ENOX1: variants seen among roughly 807,000 people sequenced by gnomAD.
The protein encoded by ENOX1 is candidate growth-related and time keeping constitutive hydroquinone (NADH) oxidase.
In ENOX1, 42 loss-of-function variants were observed where a neutral mutation model predicts 82.5. That is an observed-to-expected ratio of 0.51 (90% CI 0.40 to 0.66). The LOEUF is 0.66. Among genes scored for constraint, ENOX1 ranks in the 30% least tolerant of loss-of-function variants. ENOX1 has a pLI of 0.00. For missense variants in ENOX1, 608 were observed against 811.6 expected, an observed-to-expected ratio of 0.75 and a Z score of 3.05; for synonymous variants, 271 against 282.2, an observed-to-expected ratio of 0.96 and a Z score of 0.40.
chr13:43,404,001 G>A (rs2053643536), intron 5 of ENOX1, among the ~76,000 whole-genome samples: 2 of 152,012 alleles, frequency 1.3e-5, no homozygotes, highest in South Asian at 4.1e-4. Flanking sequence ...CAGTCCCATT[G>A]GATGTATCTA....
chr13:43,394,235 G>A (rs2052992178), intron 5 of ENOX1, among the ~76,000 whole-genome samples: 2 of 152,154 alleles, frequency 1.3e-5, no homozygotes, highest in Admixed American at 6.5e-5. Flanking sequence ...TTCTTACAGA[G>A]AATGAATGAA....
At chr13:43,349,887 T>C (rs1263222893) in intron 8 of ENOX1, among the ~76,000 whole-genome samples, 2 of 81,562 alleles carry the variant, frequency 2.5e-5, no homozygotes, top group Admixed American at 2.1e-4. Context: ...CCACGACCAA[T>C]TAAATCCCTG....
intron 3 of ENOX1, among the ~76,000 whole-genome samples, chr13:43,482,053 C>A (rs936166565): frequency 2.6e-5 from 4 of 152,128 alleles, no homozygotes; most frequent in Non-Finnish European, 4.4e-5. Flanking sequence ...GGTGAGAATG[C>A]AAACTGGTAC....
intron 12 of ENOX1, among the ~76,000 whole-genome samples, chr13:43,286,212 G>A (rs1441860830): frequency 6.6e-6 from 1 of 152,210 alleles, no homozygotes; most frequent in East Asian, 1.9e-4. Flanking sequence ...AGTGTCCATA[G>A]CTGGAGGGAG....
chr13:43,621,144 A>G (rs2082710797), intron 2 of ENOX1, among the ~76,000 whole-genome samples: 1 of 152,118 alleles, frequency 6.6e-6, no homozygotes, highest in Non-Finnish European at 1.5e-5. Context: ...CTTATGTGCG[A>G]GGTGAGTCTC....
At chr13:43,623,543 G>T (rs1021326220) in intron 2 of ENOX1, among the ~76,000 whole-genome samples, 1 of 152,120 alleles carries the variant, frequency 6.6e-6, no homozygotes, top group Non-Finnish European at 1.5e-5. Context: ...GTGTGTGTTC[G>T]GGAGAGGATG....
chr13:43,305,335 A>C (rs866239492), intron 11 of ENOX1, among the ~76,000 whole-genome samples: 29 of 152,226 alleles, frequency 1.9e-4, no homozygotes, highest in South Asian at 4.1e-4. Context: ...TATTATTATT[A>C]CAACTTAGCA....
chr13:43,354,461 G>A (rs532613150), intron 8 of ENOX1, among the ~76,000 whole-genome samples: 77 of 149,822 alleles, frequency 5.1e-4, no homozygotes, highest in South Asian at 3.2e-3. Flanking sequence ...CAGCACCCCC[G>A]CTGCCACCTT....
intron 16 of ENOX1, among the ~76,000 whole-genome samples, chr13:43,216,691 G>A (rs61950454): frequency 1.3e-5 from 2 of 152,296 alleles, no homozygotes; most frequent in East Asian, 1.9e-4. Context: ...CACACAGGCC[G>A]AGGTGCCTGC....
rs535140492 is a variant in ENOX1 at position 43,273,509 on chromosome 13, G to A, written c.1447-3932C>T. Among the ~76,000 whole-genome samples, 23 of 152,254 alleles carry A rather than the reference G, an allele frequency of 1.5e-4. 1 individual carries two copies. The South Asian group carries it at 4.1e-3, about 27-fold the overall frequency. ...AAGTTTACCACTCAGAATTCTGCCT[G>A]GCTTATTCCTACTCATTCTTTAAGC... On this transcript the variant is annotated intron_variant, in intron 12 of 16. Coordinates refer to ENST00000690772, the MANE Select transcript of ENOX1 (RefSeq NM_001347969.2).
At chr13:43,332,814 A>G (rs1426800155) in intron 9 of ENOX1, among the ~76,000 whole-genome samples, 1 of 152,102 alleles carries the variant, frequency 6.6e-6, no homozygotes, top group East Asian at 1.9e-4. Context: ...TGCCTAGATT[A>G]CCCCTACTGA....
intron 2 of ENOX1, among the ~76,000 whole-genome samples, chr13:43,512,847 T>TA (rs2077421901): frequency 6.6e-6 from 1 of 152,132 alleles, no homozygotes; most frequent in Non-Finnish European, 1.5e-5. Flanking sequence ...TGTGCTTTTT[T>TA]ATGAGCATTT....
At chr13:43,783,049 GTGAT>G (rs779109037) in intron 1 of ENOX1, among the ~76,000 whole-genome samples, 14 of 152,180 alleles carry the variant, frequency 9.2e-5, no homozygotes, top group Non-Finnish European at 1.5e-4. Flanking sequence ...ATTGTAATGA[GTGAT>G]TGATTAATTA....
intron 12 of ENOX1, among the ~76,000 whole-genome samples, chr13:43,279,644 T>C (rs1186326658): frequency 2.0e-5 from 3 of 152,226 alleles, no homozygotes; most frequent in Non-Finnish European, 4.4e-5. Flanking sequence ...ATTGTATGAC[T>C]AAAGAACATG....
intron 5 of ENOX1, among the ~76,000 whole-genome samples, chr13:43,364,555 C>CA (rs902212040): frequency 1.2e-4 from 18 of 150,858 alleles, no homozygotes; most frequent in East Asian, 7.8e-4. Flanking sequence ...TGAAAACAAA[C>CA]AAAAAAAAAT....
intron 9 of ENOX1, among the ~76,000 whole-genome samples, chr13:43,336,441 A>G (rs562830531): frequency 1.3e-5 from 2 of 152,248 alleles, no homozygotes; most frequent in Non-Finnish European, 2.9e-5. Context: ...GTGACAGTGG[A>G]GAACTGTCAG....
intron 2 of ENOX1, among the ~76,000 whole-genome samples, chr13:43,603,697 T>G (rs576996617): frequency 2.3e-4 from 30 of 132,374 alleles, no homozygotes; most frequent in African/African-American, 8.7e-4. Context: ...TTCATCCATG[T>G]CCCTACAAAG....
chr13:43,480,663 AACTGATATC>A (rs1417289422), intron 3 of ENOX1, among the ~76,000 whole-genome samples: 1 of 152,188 alleles, frequency 6.6e-6, no homozygotes, highest in Non-Finnish European at 1.5e-5. Flanking sequence ...GAGACATTAC[AACTGATATC>A]ACTGATATCA....
chr13:43,709,020 G>C (rs1386721340), intron 1 of ENOX1, among the ~76,000 whole-genome samples: 2 of 151,876 alleles, frequency 1.3e-5, no homozygotes, highest in African/African-American at 4.8e-5. Flanking sequence ...GGGGTAAAAA[G>C]GAAGAAAATA....
Sources: allele counts gnomAD v4.1 joint callset (sites outside exome capture counted in the v4.1 genomes callset), GRCh38; gene constraint gnomAD v4.1.1; transcripts MANE v1.5; gene names NCBI Gene and HGNC (gene_info 2026-07-23, HGNC 2026-07-21).